The following TCF4 variants were observed in gnomAD, a reference collection of about 807,000 sequenced individuals.
TCF4 encodes the protein SL3-3 enhancer factor 2.
A neutral mutation model predicts 82.1 loss-of-function variants in TCF4; 3 were observed. That is an observed-to-expected ratio of 0.04 (90% CI 0.02 to 0.09). The LOEUF is 0.09. Ranked by LOEUF, TCF4 falls within the 10% of genes least tolerant of loss-of-function variation. TCF4 has a pLI of 1.00. For synonymous variants in TCF4, 276 were observed against 309.6 expected (o/e 0.89, Z 1.14); for missense variants, 518 against 852.7 (o/e 0.61, Z 4.89).
intron 15 of TCF4, among the ~76,000 whole-genome samples, chr18:55,253,037 A>T (rs1042897365): frequency 6.6e-6 from 1 of 152,216 alleles, no homozygotes; most frequent in Non-Finnish European, 1.5e-5. Context: ...TTTAGGGCAG[A>T]GGTCAAGGGA....
At chr18:55,434,211 A>C (rs569327694) in intron 5 of TCF4, among the ~76,000 whole-genome samples, 123 of 152,284 alleles carry the variant, frequency 8.1e-4, no homozygotes, top group African/African-American at 2.9e-3. Flanking sequence ...CTGCCAAAAA[A>C]AGTGTTCATT....
intron 8 of TCF4, among the ~76,000 whole-genome samples, chr18:55,289,796 G>T (rs1170343942): frequency 6.6e-6 from 1 of 151,784 alleles, no homozygotes; most frequent in Non-Finnish European, 1.5e-5. Flanking sequence ...AATGTTGATT[G>T]TTATTTCTTC....
intron 5 of TCF4, among the ~76,000 whole-genome samples, chr18:55,455,529 GAA>G (rs201720174): frequency 2.2e-4 from 26 of 116,826 alleles, no homozygotes; most frequent in Non-Finnish European, 3.3e-4. Context: ...GGTGTTATTG[GAA>G]AAAAAAAAAA....
At chr18:55,404,709 TG>T (rs1242688600) in intron 5 of TCF4, among the ~76,000 whole-genome samples, 6 of 152,194 alleles carry the variant, frequency 3.9e-5, no homozygotes, top group Admixed American at 3.3e-4. Context: ...TATTAGAGTA[TG>T]CCTTCCTGAC....
chr18:55,260,032 A>G lies in TCF4; in HGVS notation c.991-5T>C. 1.2e-6 allele frequency: 2 copies of G among 1,607,654 alleles called. No individual in the cohort carries two copies. Among genetic ancestry groups the G allele is most frequent in the Non-Finnish European group, 1.7e-6 (2 of 1,174,316 alleles). On this transcript the variant is annotated splice_polypyrimidine_tract_variant and splice_region_variant and intron_variant, in intron 12 of 19. Coordinates refer to ENST00000354452, the MANE Select transcript of TCF4 (RefSeq NM_001083962.2). Reference sequence around the variant, plus strand: ...AGTGTGATCTGGAGAATAGATCTTAAAACAATAAGGAGAAAAAAAAAACAC... The same window carrying G: ...AGTGTGATCTGGAGAATAGATCTTAGAACAATAAGGAGAAAAAAAAAACAC...
chr18:55,462,668 T>C (rs911863275), intron 4 of TCF4, among the ~76,000 whole-genome samples: 6 of 152,206 alleles, frequency 3.9e-5, no homozygotes, highest in Non-Finnish European at 8.8e-5. Flanking sequence ...CCATGTGTAC[T>C]GAATGGATAA....
intron 8 of TCF4, among the ~76,000 whole-genome samples, chr18:55,329,061 A>G (rs1020142743): frequency 9.2e-5 from 14 of 152,196 alleles, no homozygotes; most frequent in African/African-American, 2.9e-4. Flanking sequence ...GAATGAAAAG[A>G]GTAGGTATAA....
At chr18:55,588,505 G>T, upstream of TCF4, 1 of 1,535,114 alleles carries the variant, frequency 6.5e-7, no homozygotes, top group South Asian at 1.2e-5. Flanking sequence ...ACAATCTGAA[G>T]CCTGAACAGT....
intron 3 of TCF4, among the ~76,000 whole-genome samples, chr18:55,544,515 A>T (rs1394186090): frequency 6.6e-6 from 1 of 152,130 alleles, no homozygotes. Context: ...ACAAGAATAA[A>T]ACCCCAAGAT....
At position 55,555,624 on chromosome 18, in the gene TCF4, C is replaced by T. The variant is rs149093042; in HGVS notation, c.145+29656G>A. ...CTGAATATTTTATGCATATTGTGTG[C>T]GTTCTCATAAAAACTGTTGTTATCC... On this transcript the variant is annotated intron_variant, in intron 3 of 19. Transcript: ENST00000354452. 8.7e-4 allele frequency among the ~76,000 whole-genome samples: 132 copies of T among 152,212 alleles called. 1 individual carries two copies. The highest frequency in any genetic ancestry group is 3.4e-3 in the Middle Eastern group (1 of 294).
At chr18:55,432,331 A>G (rs2095226924) in intron 5 of TCF4, among the ~76,000 whole-genome samples, 1 of 152,024 alleles carries the variant, frequency 6.6e-6, no homozygotes, top group Non-Finnish European at 1.5e-5. Flanking sequence ...AAATATGATA[A>G]TCTTCCTTTG....
chr18:55,581,266 G>C (rs2097572896), intron 3 of TCF4, among the ~76,000 whole-genome samples: 1 of 151,964 alleles, frequency 6.6e-6, no homozygotes, highest in Non-Finnish European at 1.5e-5. Context: ...TAGAGAATTA[G>C]CAAATAAAAA....
chr18:55,332,887 A>G (rs2077869788), intron 8 of TCF4, among the ~76,000 whole-genome samples: 2 of 152,372 alleles, frequency 1.3e-5, no homozygotes, highest in Admixed American at 1.3e-4. Flanking sequence ...CTTGATGAAT[A>G]TAATTTTGTT....
intron 15 of TCF4, 52 bp from the exon 16 acceptor site, chr18:55,234,735 G>A: frequency 6.2e-7 from 1 of 1,612,814 alleles, no homozygotes; most frequent in Non-Finnish European, 8.5e-7. Context: ...AGGTGCGACA[G>A]CTATTTCCAG....
upstream of TCF4, chr18:55,588,427 C>T: frequency 6.5e-7 from 1 of 1,535,000 alleles, no homozygotes; most frequent in African/African-American, 1.4e-5. Context: ...CTCAACACCT[C>T]CCCCGCCTCG....
chr18:55,528,632 T>C (rs1327634483), intron 3 of TCF4, among the ~76,000 whole-genome samples: 1 of 152,174 alleles, frequency 6.6e-6, no homozygotes, highest in Non-Finnish European at 1.5e-5. Flanking sequence ...CCACAGAAAT[T>C]GGACAACACC....
At chr18:55,303,455 G>A (rs1487963133) in intron 8 of TCF4, among the ~76,000 whole-genome samples, 1 of 152,066 alleles carries the variant, frequency 6.6e-6, no homozygotes, top group Non-Finnish European at 1.5e-5. Flanking sequence ...GCAACTCTAG[G>A]GAGGAATATC....
chr18:55,523,551 C>T (rs1373883137), intron 3 of TCF4, among the ~76,000 whole-genome samples: 3 of 151,870 alleles, frequency 2.0e-5, no homozygotes, highest in Non-Finnish European at 4.4e-5. Context: ...ATAAAGACTA[C>T]CACCAGGCAA....
intron 3 of TCF4, among the ~76,000 whole-genome samples, chr18:55,465,593 C>T (rs1306371235): frequency 6.6e-6 from 1 of 152,062 alleles, no homozygotes; most frequent in African/African-American, 2.4e-5. Context: ...GGTGTAAAAC[C>T]TTCCCCAGAT....
Sources: allele counts gnomAD v4.1 joint callset (sites outside exome capture counted in the v4.1 genomes callset), GRCh38; gene constraint gnomAD v4.1.1; transcripts MANE v1.5; gene names NCBI Gene and HGNC (gene_info 2026-07-23, HGNC 2026-07-21).